The following ADAMTSL1 variants were observed in gnomAD, a reference collection of about 807,000 sequenced individuals.
ADAMTSL1 encodes ADAMTS-like protein 1.
In ADAMTSL1, 126 loss-of-function variants were observed where a neutral mutation model predicts 201.8. The ratio of observed to expected loss-of-function variants is 0.62; its 90% CI spans 0.54 to 0.72. The LOEUF (loss-of-function observed/expected upper bound fraction) is 0.72, where lower values mean the gene tolerates loss of function less well. Among genes scored for constraint, ADAMTSL1 ranks in the 30% least tolerant of loss-of-function variants. The pLI is 0.00. For missense variants in ADAMTSL1, 2,679 were observed against 2,277.8 expected (o/e 1.18, Z -3.59); for synonymous variants, 1,121 against 903.4 (o/e 1.24, Z -4.32).
At chr9:18,756,076 AATATATATATATATATAT>A (rs55717414) in intron 16 of ADAMTSL1, among the ~76,000 whole-genome samples, 7,538 of 80,722 alleles carry the variant, frequency 0.093, 1,238 homozygotes, top group African/African-American at 0.3. Context: ...CTCTACTGAA[AATATATATATATATATAT>A]ATATATATAT....
At chr9:18,445,108 G>A (rs1239518005) in intron 2 of ADAMTSL1, among the ~76,000 whole-genome samples, 5 of 152,058 alleles carry the variant, frequency 3.3e-5, no homozygotes, top group East Asian at 1.9e-4. Flanking sequence ...TACAATAAAT[G>A]TACACATTAA....
intron 13 of ADAMTSL1, among the ~76,000 whole-genome samples, chr9:18,687,523 C>T (rs1055010905): frequency 1.3e-5 from 2 of 152,188 alleles, no homozygotes; most frequent in African/African-American, 4.8e-5. Flanking sequence ...CTTGCTTTGG[C>T]TCCAGCTAAC....
chr9:18,346,560 C>T (rs908154149), intron 2 of ADAMTSL1, among the ~76,000 whole-genome samples: 2 of 152,112 alleles, frequency 1.3e-5, no homozygotes, highest in Admixed American at 6.6e-5. Context: ...GTGCCTGGAA[C>T]AGAAAAGCGT....
rs371047065 is a variant in ADAMTSL1 at position 18,809,960 on chromosome 9, T to G, written c.3806-7149T>G. On this transcript the variant is annotated intron_variant, in intron 20 of 28. Transcript: ENST00000380548. ...GAAGAGTGAAAGTCAGAAGACCAGT[T>G]AGTCTGTATAGTAGTCCAGCCAGAG... Among the ~76,000 whole-genome samples, 150 of 152,266 alleles carry G rather than the reference T, an allele frequency of 9.9e-4. 3 individuals carry two copies. In the South Asian group the frequency reaches 0.03, roughly 30 times the overall value.
chr9:18,297,736 AT>A (rs1563867938), intron 2 of ADAMTSL1, among the ~76,000 whole-genome samples: 3 of 152,178 alleles, frequency 2.0e-5, no homozygotes, highest in African/African-American at 4.8e-5. Context: ...GAAGAAAAAT[AT>A]ATTAACTTGG....
At chr9:18,540,103 A>T (rs1454147094) in intron 3 of ADAMTSL1, among the ~76,000 whole-genome samples, 2 of 152,220 alleles carry the variant, frequency 1.3e-5, no homozygotes, top group Non-Finnish European at 2.9e-5. Context: ...AATGAGAAAG[A>T]GAAAGAGAGA....
intron 4 of ADAMTSL1, among the ~76,000 whole-genome samples, chr9:18,584,362 G>GCTTATTTC (rs1823329684): frequency 7.1e-6 from 1 of 140,284 alleles, no homozygotes; most frequent in African/African-American, 2.7e-5. Flanking sequence ...TGCCATGATT[G>GCTTATTTC]TGAGGCCCCC....
chr9:18,621,342 T>C (rs1826020379), intron 4 of ADAMTSL1, among the ~76,000 whole-genome samples: 1 of 152,136 alleles, frequency 6.6e-6, no homozygotes, highest in Non-Finnish European at 1.5e-5. Context: ...GGCATAAATG[T>C]TTCACGAGGA....
At chr9:18,412,548 C>T (rs1818489836) in intron 2 of ADAMTSL1, among the ~76,000 whole-genome samples, 1 of 152,114 alleles carries the variant, frequency 6.6e-6, no homozygotes, top group African/African-American at 2.4e-5. Context: ...TCATTCTTTT[C>T]CTTTATTTGT....
At chr9:18,776,689 T>C (rs1821021122) in intron 18 of ADAMTSL1, 92 bp from the exon 19 acceptor site, 1 of 1,360,028 alleles carries the variant, frequency 7.4e-7, no homozygotes, top group Non-Finnish European at 9.7e-7. Context: ...CTCTGGCTCT[T>C]TCCTTTGCCC....
chr9:18,139,041 A>G (rs1311858876), intron 1 of ADAMTSL1, among the ~76,000 whole-genome samples: 1 of 152,054 alleles, frequency 6.6e-6, no homozygotes, highest in Non-Finnish European at 1.5e-5. Context: ...TTTTAATTTC[A>G]TTTCTCTTGC....
At chr9:18,587,024 C>G (rs1823543771) in intron 4 of ADAMTSL1, among the ~76,000 whole-genome samples, 1 of 152,088 alleles carries the variant, frequency 6.6e-6, no homozygotes, top group South Asian at 2.1e-4. Flanking sequence ...CAATACCATT[C>G]TGGACATAGG....
At chr9:18,338,525 C>A (rs184700101) in intron 2 of ADAMTSL1, among the ~76,000 whole-genome samples, 1 of 152,218 alleles carries the variant, frequency 6.6e-6, no homozygotes, top group Admixed American at 6.5e-5. Context: ...TTGCTCACTG[C>A]AGCCTTGAAC....
chr9:18,565,385 T>G (rs1423073584), intron 3 of ADAMTSL1, among the ~76,000 whole-genome samples: 1 of 152,198 alleles, frequency 6.6e-6, no homozygotes, highest in African/African-American at 2.4e-5. Flanking sequence ...GGTTAATGAC[T>G]AATTTTCACA....
intron 2 of ADAMTSL1, among the ~76,000 whole-genome samples, chr9:18,530,906 C>A (rs1156715573): frequency 6.6e-6 from 1 of 152,168 alleles, no homozygotes; most frequent in Non-Finnish European, 1.5e-5. Context: ...GCAGCAGGAA[C>A]TTCAAAATTG....
chr9:18,349,909 A>G (rs908722714), intron 2 of ADAMTSL1, among the ~76,000 whole-genome samples: 3 of 149,706 alleles, frequency 2.0e-5, no homozygotes, highest in African/African-American at 7.3e-5. Context: ...AGGTTGGTGC[A>G]AAAGTAATGG....
intron 1 of ADAMTSL1, among the ~76,000 whole-genome samples, chr9:18,054,526 A>C (rs1822085019): frequency 6.6e-6 from 1 of 152,174 alleles, no homozygotes; most frequent in Admixed American, 6.5e-5. Flanking sequence ...ACTAACATTT[A>C]TTTAAGTCTT....
At chr9:17,940,792 A>G in intron 1 of ADAMTSL1, among the ~76,000 whole-genome samples, 1 of 107,924 alleles carries the variant, frequency 9.3e-6, no homozygotes, top group Non-Finnish European at 1.8e-5. Flanking sequence ...TAAAAATAAA[A>G]GTAAATAACA....
rs572632816 is a variant in ADAMTSL1 at position 18,787,317 on chromosome 9, G to A, written c.3678-8080G>A. 5.9e-5 allele frequency among the ~76,000 whole-genome samples: 9 copies of A among 152,272 alleles called. No individual in the cohort carries two copies. The South Asian group carries it at 1.5e-3, about 25-fold the overall frequency. On this transcript the variant is annotated intron_variant, in intron 19 of 28. Transcript: ENST00000380548. ...AGTATTGAGTGTCAACACAGTGGTC[G>A]CAGAAATGACCATCATGAATCATGC...
Sources: allele counts gnomAD v4.1 joint callset (sites outside exome capture counted in the v4.1 genomes callset), GRCh38; gene constraint gnomAD v4.1.1; transcripts MANE v1.5; gene names NCBI Gene and HGNC (gene_info 2026-07-23, HGNC 2026-07-21).